The following MS4A7 variants were observed in gnomAD, a reference collection of about 807,000 sequenced individuals.
MS4A7 encodes the protein membrane-spanning 4-domains subfamily A member 7.
Under a neutral mutation model 23.5 loss-of-function variants are expected in MS4A7, and 21 were observed. That is an observed-to-expected ratio of 0.89 (90% confidence interval 0.63 to 1.29). The LOEUF (loss-of-function observed/expected upper bound fraction) is 1.29. Ranked by LOEUF, MS4A7 falls within the 50% of genes most tolerant of loss-of-function variation. MS4A7 has a pLI of 0.00. For missense variants in MS4A7, 263 were observed against 274.2 expected (o/e 0.96, Z 0.29); for synonymous variants, 111 against 107.4 (o/e 1.03, Z -0.21).
At chr11:60,383,871 A>T (rs923811108) in intron 2 of MS4A7, among the ~76,000 whole-genome samples, 1 of 152,226 alleles carries the variant, frequency 6.6e-6, no homozygotes, top group Non-Finnish European at 1.5e-5. Context: ...TCATTAGTAC[A>T]GTAAAAATTT....
chr11:60,381,096 AC>A (rs1195482339), intron 1 of MS4A7, among the ~76,000 whole-genome samples: 1 of 152,234 alleles, frequency 6.6e-6, no homozygotes, highest in Non-Finnish European at 1.5e-5. Context: ...CATTCATAGT[AC>A]GTGCCCAATC....
chr11:60,389,235 A>C, intron 4 of MS4A7, 155 bp from the exon 5 acceptor site: 1 of 607,780 alleles, frequency 1.6e-6, no homozygotes, highest in Non-Finnish European at 2.9e-6. Context: ...TAGCGACAAG[A>C]GATACAAAGA....
In MS4A7 at chr11:60,385,096, G is replaced by A. The variant is rs1427792795; in HGVS notation, c.156G>A (p.Gln52=). The change falls in exon 3 of 7, where the codon CAG becomes CAA. Residue 52 remains glutamine (Q), a synonymous_variant. Transcript: ENST00000300184. ...TGTCTTCTCTCTTGTAGACTGTCCA[G>A]ATCCTGTGTTGCCTGTTGATTTCAA... The part of the protein sequence containing the change: ...PTETTVLGTV[Q]ILCCLLISSL... 1 of 1,613,884 alleles carries A rather than the reference G, an allele frequency of 6.2e-7. No individual in the cohort carries two copies. Among genetic ancestry groups the A allele is most frequent in the Admixed American group, 1.7e-5 (1 of 60,024 alleles).
At chr11:60,387,164 G>T (rs1334766444) in intron 4 of MS4A7, among the ~76,000 whole-genome samples, 3 of 152,180 alleles carry the variant, frequency 2.0e-5, no homozygotes, top group Admixed American at 2.0e-4. Flanking sequence ...GCCTCTTGGG[G>T]TTCTTTTTGA....
intron 3 of MS4A7, chr11:60,386,361 C>G: frequency 4.8e-6 from 1 of 209,886 alleles, no homozygotes; most frequent in Non-Finnish European, 9.4e-6. Flanking sequence ...GTTCCAATCT[C>G]TCTGTCCATT....
At chr11:60,386,670 A>G (rs781270537) in intron 3 of MS4A7, 47 bp from the exon 4 acceptor site, 3 of 1,513,090 alleles carry the variant, frequency 2.0e-6, no homozygotes, top group Non-Finnish European at 2.7e-6. Context: ...TGGTGGGCAC[A>G]TTTCCACAAG....
chr11:60,392,843 A>C, intron 6 of MS4A7, 57 bp downstream of exon 6: 5 of 1,264,132 alleles, frequency 4.0e-6, no homozygotes, highest in Non-Finnish European at 5.7e-6. Context: ...AGGCTACAAT[A>C]ATCCAACCTC....
rs868369781 is a variant in MS4A7 at position 60,395,926 on chromosome 11, A to G, written c.*2065A>G. The G allele has an allele frequency of 3.3e-5, 5 of 152,336 alleles. No individual in the cohort carries two copies. Among genetic ancestry groups the G allele is most frequent in the Non-Finnish European group, 7.3e-5 (5 of 68,032 alleles). 9.4% of individuals were successfully genotyped at this position (152,336 alleles called of 1,614,324 possible). ...ATTTTTATTTGTCAAATATACCTCA[A>G]TAAAGATGGAAAAAAATCGAAATTC... is the stretch of plus-strand genomic sequence containing the variant. On this transcript the variant is annotated 3_prime_UTR_variant, in exon 7 of 7. Transcript: ENST00000300184.
chr11:60,395,187 G>C lies in MS4A7; in HGVS notation c.*1326G>C, dbSNP rs138589263. The C allele has an allele frequency of 5.3e-3, 1,900 of 357,090 alleles. 27 individuals are homozygous for C. The highest frequency in any genetic ancestry group is 0.036 in the African/African-American group (1,741 of 48,014). 22.1% of individuals were successfully genotyped at this position (357,090 alleles called of 1,614,324 possible). ...TCCCAGTCATTGCTGCAATTATCTT[G>C]TCTGTTCTTTGTGTAATATGTTCTG... On this transcript the variant is annotated 3_prime_UTR_variant, in exon 7 of 7. Transcript: ENST00000300184.
At chr11:60,391,253 T>G (rs2085546662) in intron 5 of MS4A7, among the ~76,000 whole-genome samples, 1 of 152,254 alleles carries the variant, frequency 6.6e-6, no homozygotes, top group Admixed American at 6.5e-5. Context: ...AAGTGTGCCA[T>G]CTGAATTCAT....
At chr11:60,386,058 C>T (rs910186961) in intron 3 of MS4A7, among the ~76,000 whole-genome samples, 3 of 152,300 alleles carry the variant, frequency 2.0e-5, no homozygotes, top group Middle Eastern at 3.4e-3. Flanking sequence ...GAGAAGCTAG[C>T]GTTAGCTCAT....
chr11:60,395,824 T>C lies in MS4A7; in HGVS notation c.*1963T>C, dbSNP rs1005418481. 1 of 152,162 alleles carries C rather than the reference T, an allele frequency of 6.6e-6. No homozygotes were observed. Among genetic ancestry groups the C allele is most frequent in the Non-Finnish European group, 1.5e-5 (1 of 68,028 alleles). 9.4% of individuals were successfully genotyped at this position (152,162 alleles called of 1,614,324 possible). A position where few individuals can be genotyped will look rare whatever the true frequency, so the allele number is the denominator to read the frequency against. ...ATAACTACGTGAGGTGATGGATATG[T>C]TAATTAGCTGGATTGTGGTAATCAT... On this transcript the variant is annotated 3_prime_UTR_variant, in exon 7 of 7. Coordinates refer to ENST00000300184, the MANE Select transcript of MS4A7 (RefSeq NM_021201.5).
chr11:60,386,627 C>CTTTTTAGTCA (rs1396716598), intron 3 of MS4A7, 90 bp from the exon 4 acceptor site: 2 of 1,087,612 alleles, frequency 1.8e-6, no homozygotes, highest in Non-Finnish European at 2.8e-6. Flanking sequence ...AGTTTTCCAA[C>CTTTTTAGTCA]ATCACTTTTT....
At chr11:60,388,061 T>C (rs2085510540) in intron 4 of MS4A7, among the ~76,000 whole-genome samples, 1 of 152,236 alleles carries the variant, frequency 6.6e-6, no homozygotes, top group South Asian at 2.1e-4. Context: ...GTCCTGCCCT[T>C]TTCTACTCCA....
At chr11:60,379,812 G>C (rs1446479505) in intron 1 of MS4A7, among the ~76,000 whole-genome samples, 1 of 152,162 alleles carries the variant, frequency 6.6e-6, no homozygotes, top group African/African-American at 2.4e-5. Flanking sequence ...TAGGATTACA[G>C]GCATGAGCCG....
intron 2 of MS4A7, among the ~76,000 whole-genome samples, chr11:60,383,898 G>A (rs1279017201): frequency 6.6e-6 from 1 of 152,042 alleles, no homozygotes; most frequent in Non-Finnish European, 1.5e-5. Flanking sequence ...TAACCATATG[G>A]ATTTTACTCA....
At chr11:60,381,918 G>A (rs1029864758) in intron 1 of MS4A7, among the ~76,000 whole-genome samples, 7 of 152,008 alleles carry the variant, frequency 4.6e-5, no homozygotes, top group Non-Finnish European at 1.0e-4. Flanking sequence ...TCCCTCACTA[G>A]GAAGAGATTC....
At position 60,395,527 on chromosome 11, in the gene MS4A7, A is replaced by C. The variant is rs2135114676; in HGVS notation, c.*1666A>C. 1 of 152,316 alleles carries C rather than the reference A, an allele frequency of 6.6e-6. No homozygotes were observed. Among genetic ancestry groups the C allele is most frequent in the East Asian group, 1.9e-4 (1 of 5,190 alleles). 9.4% of individuals were successfully genotyped at this position (152,316 alleles called of 1,614,324 possible). A position where few individuals can be genotyped will look rare whatever the true frequency, so the allele number is the denominator to read the frequency against. On this transcript the variant is annotated 3_prime_UTR_variant, in exon 7 of 7. Transcript: ENST00000300184. ...TGATCTCATAGTTAAAATTGTAATAAATTTAGGAATATAAAGGATCAATAT... is the reference window on the plus strand; with the variant it reads ...TGATCTCATAGTTAAAATTGTAATACATTTAGGAATATAAAGGATCAATAT...
intron 3 of MS4A7, among the ~76,000 whole-genome samples, chr11:60,385,976 G>T (rs1217568482): frequency 2.0e-5 from 3 of 152,196 alleles, no homozygotes; most frequent in Admixed American, 6.5e-5. Context: ...AGGAGGCCCT[G>T]GTCCTGCCCC....
Sources: gnomAD v4.1 joint callset for allele counts (sites outside exome capture counted in the v4.1 genomes callset) on GRCh38, gnomAD v4.1.1 for gene constraint, MANE v1.5 for transcripts, NCBI Gene and HGNC (gene_info 2026-07-23, HGNC 2026-07-21) for gene names.